The following BPIFB6 variants were observed in gnomAD, a reference collection of about 807,000 sequenced individuals.
BPIFB6 encodes the protein BPI fold-containing family B member 6.
Under a neutral mutation model 54.7 loss-of-function variants are expected in BPIFB6, and 47 were observed. That is an observed-to-expected ratio of 0.86 (90% confidence interval 0.68 to 1.10). The LOEUF is 1.10. BPIFB6 is among the 50% of genes least tolerant of loss of function. BPIFB6 has a pLI of 0.00. For missense variants in BPIFB6, 603 were observed against 564.1 expected (o/e 1.07, Z -0.70); for synonymous variants, 255 against 225.9 (o/e 1.13, Z -1.16).
At chr20:33,034,401 G>A in intron 3 of BPIFB6, 111 bp downstream of exon 3, 1 of 808,270 alleles carries the variant, frequency 1.2e-6, no homozygotes, top group South Asian at 1.5e-5. Context: ...TGTAATCTGG[G>A]ATGATGTAGA....
chr20:33,038,968 T>C lies in BPIFB6; in HGVS notation c.900+6T>C. 1 of 1,613,394 alleles carries C rather than the reference T, an allele frequency of 6.2e-7. No homozygotes were observed. The highest frequency in any genetic ancestry group is 1.1e-5 in the South Asian group (1 of 90,988). On this transcript the variant is annotated splice_donor_region_variant and intron_variant, in intron 9 of 14. Transcript: ENST00000349552. The stretch of plus-strand genomic sequence containing the variant: ...TGGCTCGCTTCATTCCTGAAGTGAG[T>C]GCCCCACCTCCCCATCACCACTGCA...
chr20:33,043,158 C>T, intron 13 of BPIFB6, 133 bp from the exon 14 acceptor site: 1 of 831,646 alleles, frequency 1.2e-6, no homozygotes, highest in Non-Finnish European at 2.0e-6. Context: ...GGCTTATTAG[C>T]TCTTTGCTTG....
chr20:33,040,985 C>CTTTTTTTT (rs59134684), intron 11 of BPIFB6, among the ~76,000 whole-genome samples: 1 of 116,846 alleles, frequency 8.6e-6, no homozygotes, highest in Non-Finnish European at 1.8e-5. Flanking sequence ...AGGAGTAGTT[C>CTTTTTTTT]TTTTTTTTTT....
chr20:33,031,911 G>A (rs919837944), intron 1 of BPIFB6, among the ~76,000 whole-genome samples, 167 bp downstream of exon 1: 1 of 152,200 alleles, frequency 6.6e-6, no homozygotes, highest in Non-Finnish European at 1.5e-5. Flanking sequence ...GAGAAACCAA[G>A]GACCAGAGAA....
chr20:33,042,530 C>T (rs894460673), intron 12 of BPIFB6, among the ~76,000 whole-genome samples: 10 of 152,176 alleles, frequency 6.6e-5, no homozygotes, highest in Admixed American at 3.9e-4. Context: ...TCTGTAGGAC[C>T]AGGACTGGGG....
In BPIFB6 at chr20:33,031,727, G is replaced by T. The variant is rs1291326000; in HGVS notation, c.80G>T (p.Gly27Val). 1.2e-6 allele frequency: 2 copies of T among 1,614,094 alleles called. No individual in the cohort carries two copies. The highest frequency in any genetic ancestry group is 3.3e-5 in the Admixed American group (2 of 60,024). Residue 27 changes from glycine (G) to valine (V), a missense_variant, in exon 1 of 15, where the codon GGC becomes GTC. Transcript: ENST00000349552. ...RADPGALLRL[G>V]MDIMNQVQSA... ...GACCCTGGGGCACTGCTGCGGTTGGGCATGGACATCATGAACCGTGGTGAG... is the reference window on the plus strand; with the variant it reads ...GACCCTGGGGCACTGCTGCGGTTGGTCATGGACATCATGAACCGTGGTGAG...
At chr20:33,033,993 T>C (rs1278079153) in intron 2 of BPIFB6, among the ~76,000 whole-genome samples, 193 bp from the exon 3 acceptor site, 2 of 152,124 alleles carry the variant, frequency 1.3e-5, no homozygotes, top group Non-Finnish European at 2.9e-5. Context: ...GAGTGCTTTC[T>C]ATATACAAAT....
At chr20:33,040,742 A>G (rs1008494365) in intron 11 of BPIFB6, among the ~76,000 whole-genome samples, 3 of 152,236 alleles carry the variant, frequency 2.0e-5, no homozygotes, top group African/African-American at 7.2e-5. Flanking sequence ...TATGTGAGGC[A>G]CTGGCTGCAT....
chr20:33,036,369 C>T (rs1347466910), intron 6 of BPIFB6, 76 bp from the exon 7 acceptor site: 26 of 1,269,860 alleles, frequency 2.0e-5, no homozygotes, highest in Non-Finnish European at 2.9e-5. Flanking sequence ...GTGCAGGTAG[C>T]AGCTGGCTGG....
At chr20:33,037,132 G>A (rs1979376961) in intron 7 of BPIFB6, among the ~76,000 whole-genome samples, 2 of 152,188 alleles carry the variant, frequency 1.3e-5, no homozygotes. Flanking sequence ...GCGAAGAGGT[G>A]AGATGCATCT....
chr20:33,043,433 G>A, intron 14 of BPIFB6, 66 bp downstream of exon 14: 1 of 1,455,526 alleles, frequency 6.9e-7, no homozygotes, highest in South Asian at 1.1e-5. Context: ...ATGAGCAAGA[G>A]CCTACCTCTC....
chr20:33,042,952 T>A, intron 13 of BPIFB6, 74 bp downstream of exon 13: 1 of 1,416,006 alleles, frequency 7.1e-7, no homozygotes, highest in Non-Finnish European at 9.9e-7. Flanking sequence ...ACCTGGGTGG[T>A]CTCAAAGCCC....
At chr20:33,037,003 G>C (rs1321786893) in intron 7 of BPIFB6, among the ~76,000 whole-genome samples, 3 of 152,076 alleles carry the variant, frequency 2.0e-5, no homozygotes, top group Admixed American at 1.3e-4. Context: ...TCACCCAGTT[G>C]TATCCTGCCA....
intron 1 of BPIFB6, among the ~76,000 whole-genome samples, chr20:33,032,393 A>T (rs534551717): frequency 1.1e-4 from 16 of 152,260 alleles, no homozygotes; most frequent in African/African-American, 3.6e-4. Flanking sequence ...TGGGTCCTCC[A>T]GGTTTGGGGA....
intron 11 of BPIFB6, among the ~76,000 whole-genome samples, chr20:33,041,768 G>A (rs1979595337): frequency 6.6e-6 from 1 of 152,180 alleles, no homozygotes; most frequent in African/African-American, 2.4e-5. Flanking sequence ...GAGAAATCAT[G>A]TGCTGTAACG....
intron 10 of BPIFB6, 36 bp downstream of exon 10, chr20:33,039,556 A>G (rs1568987268): frequency 6.3e-7 from 1 of 1,576,014 alleles, no homozygotes. Flanking sequence ...TTTATTCCCA[A>G]TCTCTTGGAT....
At chr20:33,043,139 T>C in intron 13 of BPIFB6, 152 bp from the exon 14 acceptor site, 1 of 765,584 alleles carries the variant, frequency 1.3e-6, no homozygotes, top group Non-Finnish European at 2.2e-6. Context: ...GTAAATACAT[T>C]GCAAATCAGG....
chr20:33,035,676 A>G lies in BPIFB6; in HGVS notation c.577+4A>G. ...AGGAAGTGGACCAACCTCAGTGGTG[A>G]GTGTAGCCCTACCCACACCTTGCCC... On this transcript the variant is annotated splice_donor_region_variant and intron_variant, in intron 6 of 14. Coordinates refer to ENST00000349552, the MANE Select transcript of BPIFB6 (RefSeq NM_174897.2). 6.2e-7 allele frequency: 1 copy of G among 1,613,516 alleles called. No individual in the cohort carries two copies. The highest frequency in any genetic ancestry group is 8.5e-7 in the Non-Finnish European group (1 of 1,179,470).
At chr20:33,034,677 C>A in intron 3 of BPIFB6, 86 bp from the exon 4 acceptor site, 2 of 1,435,326 alleles carry the variant, frequency 1.4e-6, no homozygotes, top group Non-Finnish European at 1.9e-6. Flanking sequence ...TCCCTCTCAG[C>A]TGCTCAGATT....
Sources: gnomAD v4.1 joint callset for allele counts (sites outside exome capture counted in the v4.1 genomes callset) on GRCh38, gnomAD v4.1.1 for gene constraint, MANE v1.5 for transcripts, NCBI Gene and HGNC (gene_info 2026-07-23, HGNC 2026-07-21) for gene names.